The following LRRC4C variants were observed in gnomAD, a reference collection of about 807,000 sequenced individuals.
LRRC4C encodes leucine rich repeat containing 4C.
A neutral mutation model predicts 33.6 loss-of-function variants in LRRC4C; 5 were observed. The observed-to-expected ratio is 0.15, with a 90% CI of 0.08 to 0.31. The LOEUF (loss-of-function observed/expected upper bound fraction) is 0.31. Among genes scored for constraint, LRRC4C ranks in the 10% least tolerant of loss-of-function variants. The pLI is 1.00. For missense variants in LRRC4C, 560 were observed against 796.7 expected (o/e 0.70, Z 3.58); for synonymous variants, 329 against 302.0 (o/e 1.09, Z -0.93).
At chr11:40,500,803 C>T (rs1483880769) in intron 3 of LRRC4C, among the ~76,000 whole-genome samples, 1 of 152,092 alleles carries the variant, frequency 6.6e-6, no homozygotes, top group South Asian at 2.1e-4. Context: ...CTCATGTCCT[C>T]AAATTTCAAA....
intron 1 of LRRC4C, among the ~76,000 whole-genome samples, chr11:41,048,286 A>C (rs1857941431): frequency 8.2e-6 from 1 of 121,972 alleles, no homozygotes; most frequent in Non-Finnish European, 1.6e-5. Flanking sequence ...TTTTTTGGAG[A>C]TAGAGTCTCA....
intron 6 of LRRC4C, among the ~76,000 whole-genome samples, chr11:40,121,704 A>G (rs1346434518): frequency 6.6e-6 from 1 of 152,228 alleles, no homozygotes; most frequent in African/African-American, 2.4e-5. Context: ...AGTGAGAGAC[A>G]CAGAAGCAAG....
At chr11:41,147,294 C>T (rs1217401655) in intron 1 of LRRC4C, among the ~76,000 whole-genome samples, 1 of 152,198 alleles carries the variant, frequency 6.6e-6, no homozygotes, top group Non-Finnish European at 1.5e-5. Context: ...GCATAAAAAA[C>T]ACAGGCTATT....
intron 2 of LRRC4C, among the ~76,000 whole-genome samples, chr11:40,859,584 A>G (rs1953971191): frequency 6.6e-6 from 1 of 152,072 alleles, no homozygotes; most frequent in Non-Finnish European, 1.5e-5. Context: ...TGACCCAGCA[A>G]TCACCCTCCT....
intron 1 of LRRC4C, among the ~76,000 whole-genome samples, chr11:41,137,068 C>T (rs377147955): frequency 3.9e-5 from 6 of 151,974 alleles, no homozygotes; most frequent in Non-Finnish European, 7.4e-5. Context: ...GCCAACATGG[C>T]GAAACCCTGA....
chr11:41,419,598 T>G (rs1473237495), intron 1 of LRRC4C, among the ~76,000 whole-genome samples: 1 of 151,820 alleles, frequency 6.6e-6, no homozygotes, highest in Non-Finnish European at 1.5e-5. Flanking sequence ...TGCCAAGAGT[T>G]TCAAGTTTTT....
At chr11:41,336,509 TA>T (rs1951459827) in intron 1 of LRRC4C, among the ~76,000 whole-genome samples, 1 of 151,962 alleles carries the variant, frequency 6.6e-6, no homozygotes, top group Non-Finnish European at 1.5e-5. Context: ...AGAAGCAAAC[TA>T]GTTTTACCAA....
At chr11:41,403,357 G>A (rs566186604) in intron 1 of LRRC4C, among the ~76,000 whole-genome samples, 2 of 152,094 alleles carry the variant, frequency 1.3e-5, no homozygotes, top group Admixed American at 1.3e-4. Flanking sequence ...GGTAGAAACA[G>A]AAAAACCAGC....
intron 6 of LRRC4C, among the ~76,000 whole-genome samples, chr11:40,138,624 T>C (rs1857150492): frequency 6.6e-6 from 1 of 152,336 alleles, no homozygotes; most frequent in Non-Finnish European, 1.5e-5. Flanking sequence ...TCCGGATTCA[T>C]TTTCCTTCCA....
chr11:41,022,596 A>G (rs906844086), intron 1 of LRRC4C, among the ~76,000 whole-genome samples: 3 of 151,992 alleles, frequency 2.0e-5, no homozygotes, highest in African/African-American at 7.2e-5. Flanking sequence ...AAATCCTGAT[A>G]TAATAGTACA....
intron 3 of LRRC4C, among the ~76,000 whole-genome samples, chr11:40,637,400 A>G (rs1446884613): frequency 6.6e-6 from 1 of 152,228 alleles, no homozygotes; most frequent in Non-Finnish European, 1.5e-5. Context: ...AACTAAGTAT[A>G]GAAATAAACA....
At chr11:40,854,424 T>C (rs1424451713) in intron 2 of LRRC4C, among the ~76,000 whole-genome samples, 1 of 152,172 alleles carries the variant, frequency 6.6e-6, no homozygotes, top group Non-Finnish European at 1.5e-5. Flanking sequence ...TCTGTCCAAT[T>C]GCTAATCTCA....
intron 5 of LRRC4C, among the ~76,000 whole-genome samples, chr11:40,179,905 G>A (rs1860841994): frequency 6.6e-6 from 1 of 152,158 alleles, no homozygotes. Context: ...CTCTCCCCAT[G>A]TACGTGTGTG....
At chr11:41,102,687 A>G (rs1941262881) in intron 1 of LRRC4C, among the ~76,000 whole-genome samples, 1 of 151,984 alleles carries the variant, frequency 6.6e-6, no homozygotes, top group South Asian at 2.1e-4. Context: ...TCTTCCTCTC[A>G]CATTTTTAGA....
intron 3 of LRRC4C, among the ~76,000 whole-genome samples, chr11:40,398,006 T>C (rs955544752): frequency 1.1e-4 from 17 of 152,182 alleles, no homozygotes; most frequent in African/African-American, 4.1e-4. Flanking sequence ...ATAGATTTAA[T>C]TGTAAGGATG....
At position 41,037,574 on chromosome 11, in the gene LRRC4C, T is replaced by TCA. The variant is rs56234239; in HGVS notation, c.-495-103853_-495-103852dup. ...CTGAACTTTCTTACTTCTTTTCCTT[T>TCA]CACACACACACACACACACACACAC... On this transcript the variant is annotated intron_variant, in intron 1 of 6. Coordinates refer to ENST00000528697, the MANE Select transcript of LRRC4C (RefSeq NM_001258419.2). 6.5e-3 allele frequency among the ~76,000 whole-genome samples: 972 copies of TCA among 148,950 alleles called. 13 individuals carry two copies. Among genetic ancestry groups the TCA allele is most frequent in the Middle Eastern group, 0.017 (5 of 290 alleles).
chr11:40,853,776 C>T (rs1183278890), intron 2 of LRRC4C, among the ~76,000 whole-genome samples: 1 of 152,110 alleles, frequency 6.6e-6, no homozygotes, highest in African/African-American at 2.4e-5. Context: ...GGAAATGTTA[C>T]TTTAGTGCAC....
chr11:40,261,844 G>A lies in LRRC4C; in HGVS notation c.-175-20246C>T, dbSNP rs547329214. Among the ~76,000 whole-genome samples, 12 of 152,232 alleles carry A rather than the reference G, an allele frequency of 7.9e-5. No individual in the cohort carries two copies. The South Asian group carries it at 2.5e-3, about 32-fold the overall frequency. The stretch of plus-strand genomic sequence containing the variant: ...CTTATACAAAAATTAACTCAGGACG[G>A]ATTAAAGACTTAAACGTAAAACCAT... On this transcript the variant is annotated intron_variant, in intron 4 of 6. Coordinates refer to ENST00000528697, the MANE Select transcript of LRRC4C (RefSeq NM_001258419.2).
chr11:41,060,395 AT>A (rs1319697198), intron 1 of LRRC4C, among the ~76,000 whole-genome samples: 1 of 152,164 alleles, frequency 6.6e-6, no homozygotes, highest in African/African-American at 2.4e-5. Flanking sequence ...TAAGACATTA[AT>A]TTTCTCACAC....
Sources: gnomAD v4.1 joint callset for allele counts (sites outside exome capture counted in the v4.1 genomes callset) on GRCh38, gnomAD v4.1.1 for gene constraint, MANE v1.5 for transcripts, NCBI Gene and HGNC (gene_info 2026-07-23, HGNC 2026-07-21) for gene names.